The following PRKN variants were observed in gnomAD, a reference collection of about 807,000 sequenced individuals.
The protein encoded by PRKN is parkin RBR E3 ubiquitin protein ligase.
A neutral mutation model predicts 59.5 loss-of-function variants in PRKN; 56 were observed. The ratio of observed to expected loss-of-function variants is 0.94; its 90% CI spans 0.76 to 1.18. The LOEUF is 1.18. Ranked by LOEUF, PRKN falls within the 50% of genes most tolerant of loss-of-function variation. The pLI is 0.00. For synonymous variants in PRKN, 250 were observed against 222.1 expected (o/e 1.13, Z -1.12); for missense variants, 657 against 596.4 (o/e 1.10, Z -1.06).
At chr6:161,689,120 G>T (rs1785673893) in intron 7 of PRKN, among the ~76,000 whole-genome samples, 2 of 151,522 alleles carry the variant, frequency 1.3e-5, no homozygotes, top group African/African-American at 4.8e-5. Flanking sequence ...AATCCCTAAA[G>T]TACATTCACT....
chr6:162,438,822 C>T (rs775822277), intron 2 of PRKN, among the ~76,000 whole-genome samples: 3 of 152,158 alleles, frequency 2.0e-5, no homozygotes, highest in Non-Finnish European at 4.4e-5. Context: ...CCATCTATAA[C>T]TTTATGTCTC....
chr6:162,692,207 C>T (rs1777802019), intron 1 of PRKN, among the ~76,000 whole-genome samples: 1 of 150,112 alleles, frequency 6.7e-6, no homozygotes, highest in Admixed American at 6.6e-5. Context: ...GTTGTCCAGA[C>T]AGTTGAACTG....
chr6:162,256,200 G>A (rs1360256338), intron 3 of PRKN, among the ~76,000 whole-genome samples: 1 of 152,050 alleles, frequency 6.6e-6, no homozygotes, highest in Admixed American at 6.6e-5. Flanking sequence ...AAAAAAGAAT[G>A]TAGTGATATT....
rs191150094 is a variant in PRKN, at chr6:162,060,196, A to G, written c.535-6022T>C. On this transcript the variant is annotated intron_variant, in intron 4 of 11. Coordinates refer to ENST00000366898, the MANE Select transcript of PRKN (RefSeq NM_004562.3). ...AGCACTTTGGCTAACATATAATCGC[A>G]TATGTTTGTATGAGTAGGTATGTCC... is the stretch of plus-strand genomic sequence containing the variant. Among the ~76,000 whole-genome samples the G allele has an allele frequency of 1.8e-3, 272 of 152,342 alleles. 1 individual carries two copies. The highest frequency in any genetic ancestry group is 5.4e-3 in the South Asian group (26 of 4,832).
In PRKN at chr6:162,581,681, C is replaced by T. The variant is rs190187627; in HGVS notation, c.8-138208G>A. ...GGCTGAGGCAGGAGAATCACTTGAACCCAGGAGGCAGAGGGTGCAGTGAGC... is the reference window on the plus strand; with the variant it reads ...GGCTGAGGCAGGAGAATCACTTGAATCCAGGAGGCAGAGGGTGCAGTGAGC... On this transcript the variant is annotated intron_variant, in intron 1 of 11. Transcript: ENST00000366898. Among the ~76,000 whole-genome samples, 1,274 of 152,314 alleles carry T rather than the reference C, an allele frequency of 8.4e-3. 16 individuals are homozygous for T. The highest frequency in any genetic ancestry group is 0.029 in the African/African-American group (1,200 of 41,568).
intron 7 of PRKN, among the ~76,000 whole-genome samples, chr6:161,660,514 A>G (rs1784504403): frequency 6.6e-6 from 1 of 152,220 alleles, no homozygotes; most frequent in Non-Finnish European, 1.5e-5. Flanking sequence ...AAGATTCACA[A>G]GGAAAAAATG....
At chr6:161,705,849 T>G (rs1252175180) in intron 7 of PRKN, among the ~76,000 whole-genome samples, 1 of 152,194 alleles carries the variant, frequency 6.6e-6, no homozygotes, top group Non-Finnish European at 1.5e-5. Flanking sequence ...CCTATGTTGT[T>G]GTACCTTCTT....
chr6:162,488,365 A>T (rs1192669204), intron 1 of PRKN, among the ~76,000 whole-genome samples: 1 of 152,174 alleles, frequency 6.6e-6, no homozygotes, highest in East Asian at 1.9e-4. Context: ...AAAATTATTG[A>T]AAAGCAAGTG....
chr6:162,563,671 T>C (rs1779945105), intron 1 of PRKN, among the ~76,000 whole-genome samples: 1 of 152,120 alleles, frequency 6.6e-6, no homozygotes, highest in Non-Finnish European at 1.5e-5. Context: ...ATGAACTAAA[T>C]AAGGCACCAG....
intron 7 of PRKN, among the ~76,000 whole-genome samples, chr6:161,646,993 C>T (rs145514929): frequency 1.3e-5 from 2 of 152,236 alleles, no homozygotes; most frequent in African/African-American, 4.8e-5. Flanking sequence ...CTCTGAACTA[C>T]AATAAGATCA....
At chr6:162,161,863 G>T (rs901088454) in intron 4 of PRKN, among the ~76,000 whole-genome samples, 23 of 151,974 alleles carry the variant, frequency 1.5e-4, no homozygotes, top group Admixed American at 1.2e-3. Context: ...CCAACATATT[G>T]TTATAATTAT....
chr6:162,475,570 T>A (rs1186281473), intron 1 of PRKN, among the ~76,000 whole-genome samples: 1 of 129,138 alleles, frequency 7.7e-6, no homozygotes. Context: ...TGCATGTGAG[T>A]GTGTGTGTGC....
intron 2 of PRKN, among the ~76,000 whole-genome samples, chr6:162,340,994 G>C (rs1784152188): frequency 6.6e-6 from 1 of 152,044 alleles, no homozygotes; most frequent in Non-Finnish European, 1.5e-5. Context: ...CTAAAGAATG[G>C]GAGAAAATTT....
At chr6:162,213,804 TACACACACACACACACACAC>T (rs58192789) in intron 3 of PRKN, among the ~76,000 whole-genome samples, 4,353 of 126,632 alleles carry the variant, frequency 0.034, 99 homozygotes, top group East Asian at 0.083. Flanking sequence ...AAAAAAACCA[TACACACACACACACACACAC>T]ACACACACAC....
intron 1 of PRKN, among the ~76,000 whole-genome samples, chr6:162,477,477 C>G (rs947292322): frequency 3.4e-4 from 52 of 152,320 alleles, no homozygotes; most frequent in African/African-American, 1.2e-3. Context: ...ATGTCCAGAA[C>G]TACTGGCTTT....
chr6:161,381,352 G>C (rs1785976917), intron 10 of PRKN, among the ~76,000 whole-genome samples: 1 of 152,124 alleles, frequency 6.6e-6, no homozygotes, highest in Admixed American at 6.5e-5. Flanking sequence ...TAATGGTCTG[G>C]GGCTTGTCAA....
At chr6:162,059,712 T>C (rs535075683) in intron 4 of PRKN, among the ~76,000 whole-genome samples, 43 of 152,248 alleles carry the variant, frequency 2.8e-4, no homozygotes, top group South Asian at 6.2e-4. Flanking sequence ...CATAGTCTAA[T>C]AGGAAAAATT....
At chr6:162,263,976 C>T (rs1328523617) in intron 2 of PRKN, among the ~76,000 whole-genome samples, 1 of 149,362 alleles carries the variant, frequency 6.7e-6, no homozygotes, top group Non-Finnish European at 1.5e-5. Context: ...ACCTTACTCT[C>T]TCAGTAAATC....
At chr6:162,615,508 G>C (rs1782371323) in intron 1 of PRKN, among the ~76,000 whole-genome samples, 1 of 151,994 alleles carries the variant, frequency 6.6e-6, no homozygotes, top group African/African-American at 2.4e-5. Context: ...CACAGATGCA[G>C]AGTGACTGGA....
Sources: allele counts gnomAD v4.1 joint callset (sites outside exome capture counted in the v4.1 genomes callset), GRCh38; gene constraint gnomAD v4.1.1; transcripts MANE v1.5; gene names NCBI Gene and HGNC (gene_info 2026-07-23, HGNC 2026-07-21).